SPATA16: variants seen among roughly 807,000 people sequenced by gnomAD.
The protein encoded by SPATA16 is spermatogenesis associated 16.
A neutral mutation model predicts 63.3 loss-of-function variants in SPATA16; 36 were observed. That is an observed-to-expected ratio of 0.57 (90% CI 0.44 to 0.75). The LOEUF (loss-of-function observed/expected upper bound fraction) is 0.75. SPATA16 is among the 30% of genes least tolerant of loss of function. The pLI is 0.00. For missense variants in SPATA16, 646 were observed against 679.3 expected (o/e 0.95, Z 0.54); for synonymous variants, 203 against 216.7 (o/e 0.94, Z 0.56).
At chr3:172,915,390 AG>A (rs913696372) in intron 9 of SPATA16, among the ~76,000 whole-genome samples, 3 of 152,136 alleles carry the variant, frequency 2.0e-5, no homozygotes, top group Non-Finnish European at 4.4e-5. Flanking sequence ...AATCTTAAAA[AG>A]CTCAAAGGGG....
At chr3:173,140,601 G>A (rs1371167507) in intron 1 of SPATA16, among the ~76,000 whole-genome samples, 2 of 152,084 alleles carry the variant, frequency 1.3e-5, no homozygotes, top group Non-Finnish European at 2.9e-5. Flanking sequence ...ACTCCTTGAC[G>A]TTCAATGTCT....
intron 6 of SPATA16, among the ~76,000 whole-genome samples, chr3:172,934,416 A>G (rs1336686724): frequency 6.6e-6 from 1 of 152,192 alleles, no homozygotes; most frequent in Non-Finnish European, 1.5e-5. Context: ...GCCATAAGTA[A>G]GATTAATATA....
intron 10 of SPATA16, among the ~76,000 whole-genome samples, chr3:172,894,339 C>T (rs920183259): frequency 1.3e-5 from 2 of 152,002 alleles, no homozygotes; most frequent in Non-Finnish European, 2.9e-5. Context: ...ATAGCAGTTT[C>T]CTTTAGCTTT....
At chr3:173,029,437 T>G (rs791829) in intron 3 of SPATA16, among the ~76,000 whole-genome samples, 22,026 of 147,664 alleles carry the variant, frequency 0.15, 1,763 homozygotes, top group African/African-American at 0.15. Context: ...TTTGTTGTTG[T>G]TTGTTTGTTT....
intron 6 of SPATA16, among the ~76,000 whole-genome samples, chr3:172,940,761 CG>C (rs2109601331): frequency 6.6e-6 from 1 of 151,948 alleles, no homozygotes; most frequent in African/African-American, 2.4e-5. Flanking sequence ...CTGAGGCAGG[CG>C]GATTGTCTGA....
intron 4 of SPATA16, among the ~76,000 whole-genome samples, chr3:173,003,116 A>G (rs559803676): frequency 6.6e-6 from 1 of 152,296 alleles, no homozygotes; most frequent in South Asian, 2.1e-4. Flanking sequence ...ATCTTAAGTC[A>G]GAAGAAATTA....
chr3:173,067,063 C>T (rs1418233861), intron 2 of SPATA16, among the ~76,000 whole-genome samples: 6 of 151,624 alleles, frequency 4.0e-5, no homozygotes, highest in Non-Finnish European at 8.8e-5. Flanking sequence ...ATTGATCAAG[C>T]AGAAGAAAGA....
At chr3:173,042,474 C>G (rs770501764) in intron 3 of SPATA16, among the ~76,000 whole-genome samples, 6 of 152,120 alleles carry the variant, frequency 3.9e-5, no homozygotes, top group Non-Finnish European at 7.4e-5. Context: ...GATCCACCCC[C>G]CTTGGCCTCC....
chr3:173,024,202 C>T lies in SPATA16; in HGVS notation c.759-4627G>A, dbSNP rs554297017. 1.8e-4 allele frequency among the ~76,000 whole-genome samples: 27 copies of T among 151,434 alleles called. No individual in the cohort carries two copies. In the East Asian group the frequency reaches 4.1e-3, roughly 23 times the overall value. ...ATTTTGTACCCTTATAACTTAATAT[C>T]GCAATAATTTAATTTTATTTACATC... On this transcript the variant is annotated intron_variant, in intron 3 of 10. Coordinates refer to ENST00000351008, the MANE Select transcript of SPATA16 (RefSeq NM_031955.6).
intron 6 of SPATA16, among the ~76,000 whole-genome samples, chr3:172,938,526 G>A (rs1733065795): frequency 6.6e-6 from 1 of 152,130 alleles, no homozygotes; most frequent in African/African-American, 2.4e-5. Context: ...CAATAATAAA[G>A]CGCCTCTAAC....
At chr3:173,129,856 C>A (rs1382173851) in intron 1 of SPATA16, among the ~76,000 whole-genome samples, 1 of 152,024 alleles carries the variant, frequency 6.6e-6, no homozygotes, top group Non-Finnish European at 1.5e-5. Context: ...ATACACCAAG[C>A]AAATAATGCA....
intron 5 of SPATA16, among the ~76,000 whole-genome samples, chr3:172,958,785 A>ATG (rs1560079122): frequency 2.6e-5 from 4 of 151,816 alleles, no homozygotes; most frequent in African/African-American, 9.7e-5. Context: ...GTGTGTGTGC[A>ATG]CGCACGTGTG....
intron 5 of SPATA16, among the ~76,000 whole-genome samples, chr3:172,973,024 TC>T (rs747879147): frequency 1.3e-5 from 2 of 152,188 alleles, no homozygotes; most frequent in Non-Finnish European, 2.9e-5. Flanking sequence ...GTATTGGAGC[TC>T]TAACTCCATT....
At chr3:173,080,655 T>A (rs141464545) in intron 2 of SPATA16, among the ~76,000 whole-genome samples, 1 of 152,266 alleles carries the variant, frequency 6.6e-6, no homozygotes, top group East Asian at 1.9e-4. Context: ...GAAGAACTAG[T>A]TTTAGGCAAT....
At chr3:173,072,633 C>T (rs1371131622) in intron 2 of SPATA16, among the ~76,000 whole-genome samples, 3 of 152,194 alleles carry the variant, frequency 2.0e-5, no homozygotes. Context: ...TGCCTCCCAC[C>T]ATGATTGTGA....
intron 10 of SPATA16, among the ~76,000 whole-genome samples, chr3:172,901,410 G>T (rs1279680108): frequency 6.6e-6 from 1 of 152,164 alleles, no homozygotes; most frequent in Non-Finnish European, 1.5e-5. Flanking sequence ...ATGATGGCCA[G>T]GCTGGTCTCA....
intron 2 of SPATA16, among the ~76,000 whole-genome samples, chr3:173,114,803 G>A (rs1737851713): frequency 6.6e-6 from 1 of 152,202 alleles, no homozygotes; most frequent in African/African-American, 2.4e-5. Flanking sequence ...ATATGTGAGA[G>A]CACTCAGTAT....
At chr3:173,118,418 A>G (rs1211406355) in intron 1 of SPATA16, among the ~76,000 whole-genome samples, 1 of 152,234 alleles carries the variant, frequency 6.6e-6, no homozygotes, top group Non-Finnish European at 1.5e-5. Context: ...AATGGTATCA[A>G]CAATGTACAC....
At chr3:172,986,514 G>A (rs1734462823) in intron 4 of SPATA16, among the ~76,000 whole-genome samples, 1 of 152,156 alleles carries the variant, frequency 6.6e-6, no homozygotes, top group African/African-American at 2.4e-5. Flanking sequence ...GGGCACCTAG[G>A]TCAGCTTAAA....
Sources: gnomAD v4.1 joint callset for allele counts (sites outside exome capture counted in the v4.1 genomes callset) on GRCh38, gnomAD v4.1.1 for gene constraint, MANE v1.5 for transcripts, NCBI Gene and HGNC (gene_info 2026-07-23, HGNC 2026-07-21) for gene names.